Variants in TNPO1 observed in about 807,000 individuals in gnomAD.
TNPO1 encodes transportin 1.
A neutral mutation model predicts 119.5 loss-of-function variants in TNPO1; 8 were observed. The observed-to-expected ratio is 0.07, with a 90% CI of 0.04 to 0.12. The LOEUF is 0.12. Ranked by LOEUF, TNPO1 falls within the 10% of genes least tolerant of loss-of-function variation. The pLI is 1.00. For missense variants in TNPO1, 576 were observed against 1,089.8 expected, an observed-to-expected ratio of 0.53 and a Z score of 6.64; for synonymous variants, 362 against 363.0, an observed-to-expected ratio of 1.00 and a Z score of 0.03.
In TNPO1 at chr5:72,848,506, T is replaced by C; in HGVS notation, c.129+8T>C. 5.9e-6 allele frequency: 9 copies of C among 1,528,214 alleles called. No homozygotes were observed. The highest frequency in any genetic ancestry group is 1.2e-5 in the South Asian group (1 of 81,882). The allele number at this position is 1,528,214 out of a possible 1,614,324, so 94.7% of individuals were successfully genotyped here. On this transcript the variant is annotated splice_region_variant and intron_variant, in intron 2 of 24. Coordinates refer to ENST00000337273, the MANE Select transcript of TNPO1 (RefSeq NM_002270.4). ...CAGAGAACCGTGCAACAAGTATCCT[T>C]TCCGAGGCCTGGCCGCCACCCGCGC...
chr5:72,841,339 G>A (rs959433421), intron 1 of TNPO1, among the ~76,000 whole-genome samples: 2 of 151,918 alleles, frequency 1.3e-5, no homozygotes, highest in African/African-American at 4.8e-5. Context: ...GGCTGGTCTC[G>A]AACTCCTGAC....
At position 72,900,997 on chromosome 5, in the gene TNPO1, G is replaced by A. The variant is rs1749762840; in HGVS notation, c.2438G>A (p.Arg813Lys). The change falls in exon 22 of 25, where the codon AGA (arginine) becomes AAA (lysine). Residue 813 changes from arginine to lysine, a missense_variant. Physicochemically the swap from Arg to Lys is conservative, Grantham distance 26. Coordinates refer to ENST00000337273, the MANE Select transcript of TNPO1 (RefSeq NM_002270.4). ...AGGTGCACCTCTCTGAGAAACATAAGAGACAATGAGGAAAAGGATTCAGCA... is the reference window on the plus strand; with the variant it reads ...AGGTGCACCTCTCTGAGAAACATAAAAGACAATGAGGAAAAGGATTCAGCA... ...RPWCTSLRNI[R>K]DNEEKDSAFR... The A allele has an allele frequency of 6.2e-7, 1 of 1,611,350 alleles. No homozygotes were observed. The highest frequency in any genetic ancestry group is 8.5e-7 in the Non-Finnish European group (1 of 1,179,140).
intron 1 of TNPO1, among the ~76,000 whole-genome samples, chr5:72,831,146 T>C (rs1397763928): frequency 1.3e-5 from 2 of 152,112 alleles, no homozygotes; most frequent in African/African-American, 2.4e-5. Context: ...ATTAGTTTTT[T>C]ACTTAACATA....
intron 1 of TNPO1, among the ~76,000 whole-genome samples, chr5:72,822,806 G>A (rs747458661): frequency 1.8e-4 from 27 of 151,468 alleles, no homozygotes; most frequent in Non-Finnish European, 3.5e-4. Flanking sequence ...CTGTGCAGGC[G>A]TGTCTCCAAC....
At chr5:72,890,005 T>TA in intron 14 of TNPO1, 48 bp downstream of exon 14, 2 of 1,573,054 alleles carry the variant, frequency 1.3e-6, no homozygotes, top group Non-Finnish European at 1.7e-6. Flanking sequence ...GTAGCATAGT[T>TA]ACAATTAATA....
chr5:72,848,144 C>A, intron 1 of TNPO1: 1 of 1,207,704 alleles, frequency 8.3e-7, no homozygotes, highest in Non-Finnish European at 1.0e-6. Flanking sequence ...CGGCTCCTTG[C>A]GCTCGGCGGC....
intron 1 of TNPO1, among the ~76,000 whole-genome samples, chr5:72,822,154 A>G (rs1224721219): frequency 6.6e-6 from 1 of 152,226 alleles, no homozygotes; most frequent in Non-Finnish European, 1.5e-5. Flanking sequence ...TGTATGAATC[A>G]TTAAGAGCAG....
At chr5:72,896,656 G>A (rs1237293860) in intron 19 of TNPO1, 100 bp downstream of exon 19, 6 of 840,960 alleles carry the variant, frequency 7.1e-6, no homozygotes, top group African/African-American at 1.8e-5. Context: ...GATCACCTGA[G>A]GTCAGGAGTT....
chr5:72,875,105 A>C (rs1394873177), intron 7 of TNPO1, among the ~76,000 whole-genome samples: 1 of 152,248 alleles, frequency 6.6e-6, no homozygotes, highest in Non-Finnish European at 1.5e-5. Flanking sequence ...GTCCATTCAG[A>C]CATTGCTTTT....
At chr5:72,834,628 A>G (rs1580370734) in intron 1 of TNPO1, among the ~76,000 whole-genome samples, 1 of 152,260 alleles carries the variant, frequency 6.6e-6, no homozygotes, top group African/African-American at 2.4e-5. Flanking sequence ...GCTAAGTATT[A>G]AAAGAGTCAA....
chr5:72,903,275 A>T (rs1325113119), intron 22 of TNPO1, among the ~76,000 whole-genome samples: 2 of 152,094 alleles, frequency 1.3e-5, no homozygotes, highest in African/African-American at 4.8e-5. Context: ...TAATTTCTCT[A>T]TTTCAAATCA....
chr5:72,848,709 C>T (rs1216740645), intron 2 of TNPO1, among the ~76,000 whole-genome samples: 1 of 147,698 alleles, frequency 6.8e-6, no homozygotes, highest in Non-Finnish European at 1.5e-5. Flanking sequence ...CCGGGGGCGC[C>T]GCCGCGTGGG....
At chr5:72,829,039 T>A (rs546007958) in intron 1 of TNPO1, among the ~76,000 whole-genome samples, 3 of 152,218 alleles carry the variant, frequency 2.0e-5, no homozygotes, top group Non-Finnish European at 4.4e-5. Context: ...CAACTTGGAT[T>A]CTTTTGTGAT....
At position 72,913,369 on chromosome 5, in the gene TNPO1, TATTA is replaced by T. The variant is rs1041245317; in HGVS notation, c.*4700_*4703del. The T allele has an allele frequency of 4.6e-5, 7 of 152,378 alleles. No homozygotes were observed. The highest frequency in any genetic ancestry group is 8.8e-5 in the Non-Finnish European group (6 of 67,922). The allele number at this position is 152,378 out of a possible 1,614,324, so 9.4% of individuals were successfully genotyped here. On this transcript the variant is annotated 3_prime_UTR_variant, in exon 25 of 25. Transcript: ENST00000337273. ...ATTCTTTATGCCTAGTTATTATACA[TATTA>T]ATTTTTAAGGTATACATTTAAATTA...
intron 4 of TNPO1, 29 bp from the exon 5 acceptor site, chr5:72,861,778 AT>A (rs770690057): frequency 3.9e-5 from 58 of 1,499,860 alleles, no homozygotes; most frequent in Non-Finnish European, 5.2e-5. Context: ...ATGCTGTTGG[AT>A]TTCCTAAAGA....
chr5:72,856,932 C>T (rs1746046049), intron 4 of TNPO1, among the ~76,000 whole-genome samples: 1 of 152,172 alleles, frequency 6.6e-6, no homozygotes, highest in South Asian at 2.1e-4. Flanking sequence ...ATACCATGGG[C>T]TTAAGCAGCT....
At chr5:72,880,557 G>C (rs967084321) in intron 9 of TNPO1, among the ~76,000 whole-genome samples, 3 of 152,162 alleles carry the variant, frequency 2.0e-5, no homozygotes, top group African/African-American at 4.8e-5. Flanking sequence ...GCTTATGCCT[G>C]TAATCCCAGC....
At chr5:72,826,347 T>G (rs1744205177) in intron 1 of TNPO1, among the ~76,000 whole-genome samples, 1 of 152,186 alleles carries the variant, frequency 6.6e-6, no homozygotes, top group Non-Finnish European at 1.5e-5. Context: ...GGTTTTTACA[T>G]TTTTAAACGG....
chr5:72,894,917 T>A (rs961484007), intron 18 of TNPO1, among the ~76,000 whole-genome samples: 1 of 152,192 alleles, frequency 6.6e-6, no homozygotes, highest in African/African-American at 2.4e-5. Flanking sequence ...ATGAAAGGAT[T>A]TAATTTTTTT....
Sources: gnomAD v4.1 joint callset for allele counts (sites outside exome capture counted in the v4.1 genomes callset) on GRCh38, gnomAD v4.1.1 for gene constraint, MANE v1.5 for transcripts, NCBI Gene and HGNC (gene_info 2026-07-23, HGNC 2026-07-21) for gene names.